GADL1: variants seen among roughly 807,000 people sequenced by gnomAD.
GADL1 encodes GAD like acidic amino acid decarboxylase 1, also known as acidic amino acid decarboxylase GADL1.
A neutral mutation model predicts 69.5 loss-of-function variants in GADL1; 71 were observed. The ratio of observed to expected loss-of-function variants is 1.02; its 90% CI spans 0.84 to 1.25. The LOEUF is 1.25. GADL1 is among the 50% of genes most tolerant of loss of function. GADL1 has a pLI of 0.00. For missense variants in GADL1, 737 were observed against 631.8 expected (o/e 1.17, Z -1.79); for synonymous variants, 254 against 214.4 (o/e 1.18, Z -1.62).
intron 8 of GADL1, among the ~76,000 whole-genome samples, chr3:30,841,458 A>G (rs902477357): frequency 2.0e-5 from 3 of 152,188 alleles, no homozygotes; most frequent in Admixed American, 2.0e-4. Context: ...TGCTAGAAAC[A>G]TGAATTCCTA....
At chr3:30,858,279 C>A (rs907145252) in intron 2 of GADL1, among the ~76,000 whole-genome samples, 1 of 151,878 alleles carries the variant, frequency 6.6e-6, no homozygotes, top group African/African-American at 2.4e-5. Flanking sequence ...CTTTATGTGA[C>A]ATATTATAGA....
At chr3:30,762,299 C>CTT (rs961647950) in intron 14 of GADL1, among the ~76,000 whole-genome samples, 2 of 152,120 alleles carry the variant, frequency 1.3e-5, no homozygotes, top group Non-Finnish European at 2.9e-5. Context: ...AGGACATATG[C>CTT]TTTAAAAGGC....
chr3:30,752,047 G>A (rs1002281039), intron 14 of GADL1, among the ~76,000 whole-genome samples: 1 of 152,162 alleles, frequency 6.6e-6, no homozygotes, highest in Non-Finnish European at 1.5e-5. Flanking sequence ...GCTTCTAAAG[G>A]CTACCCAGGC....
At chr3:30,795,710 C>G (rs1697017587) in intron 12 of GADL1, among the ~76,000 whole-genome samples, 1 of 152,080 alleles carries the variant, frequency 6.6e-6, no homozygotes, top group Non-Finnish European at 1.5e-5. Context: ...AATCTTAATT[C>G]TAGAGAAACT....
chr3:30,890,303 T>A (rs928272403), intron 1 of GADL1, among the ~76,000 whole-genome samples: 2 of 152,206 alleles, frequency 1.3e-5, no homozygotes, highest in Admixed American at 1.3e-4. Context: ...ATGTACCTAT[T>A]ATGTGCCAGG....
chr3:30,844,233 G>A lies in GADL1; in HGVS notation c.763C>T (p.Gln255Ter). The A allele has an allele frequency of 6.2e-7, 1 of 1,612,726 alleles. No individual in the cohort carries two copies. Among genetic ancestry groups the A allele is most frequent in the Non-Finnish European group, 8.5e-7 (1 of 1,179,452 alleles). ...GKMIPEELEK[Q>*]VWQARKEGAA... is the part of the protein sequence containing the mutation. ...ACCTCTTTTCTGGCTTGCCAGACTT[G>A]CTTCTCCAGTTCCTCAGGTATCATT... The change falls in exon 8 of 15, where the codon CAA becomes TAA. Residue 255 changes from glutamine (Q) to a stop codon, truncating the protein, a stop_gained. Coordinates refer to ENST00000282538, the MANE Select transcript of GADL1 (RefSeq NM_207359.3). LOFTEE classifies it high-confidence loss of function.
intron 14 of GADL1, among the ~76,000 whole-genome samples, chr3:30,754,295 G>GT (rs1339728086): frequency 6.6e-6 from 1 of 152,146 alleles, no homozygotes; most frequent in African/African-American, 2.4e-5. Flanking sequence ...CAAGCCTTTT[G>GT]TGGGGGAACA....
At chr3:30,734,472 G>C (rs1388222907) in intron 14 of GADL1, among the ~76,000 whole-genome samples, 1 of 152,276 alleles carries the variant, frequency 6.6e-6, no homozygotes, top group East Asian at 1.9e-4. Flanking sequence ...TTTGGATTCA[G>C]CTAAATATAT....
At chr3:30,833,770 A>T (rs1697828330) in intron 11 of GADL1, 83 bp downstream of exon 11, 1 of 919,986 alleles carries the variant, frequency 1.1e-6, no homozygotes, top group African/African-American at 1.6e-5. Flanking sequence ...CAAGTCACCA[A>T]GAGATGAGCA....
chr3:30,831,108 C>T (rs958684958), intron 11 of GADL1, among the ~76,000 whole-genome samples: 9 of 151,910 alleles, frequency 5.9e-5, no homozygotes, highest in Admixed American at 2.0e-4. Context: ...TGTTCCCCTC[C>T]AATTCATTGT....
At chr3:30,868,705 A>C (rs533256092) in intron 1 of GADL1, among the ~76,000 whole-genome samples, 7 of 152,084 alleles carry the variant, frequency 4.6e-5, no homozygotes, top group African/African-American at 1.7e-4. Flanking sequence ...CTGTTGGCTC[A>C]GGTAGAAGTC....
chr3:30,891,841 G>A (rs1338602525), intron 1 of GADL1, among the ~76,000 whole-genome samples: 1 of 151,416 alleles, frequency 6.6e-6, no homozygotes, highest in African/African-American at 2.4e-5. Context: ...CAGAGAAAAA[G>A]AGAAAATCTA....
At chr3:30,820,136 C>T (rs1247917804) in intron 11 of GADL1, among the ~76,000 whole-genome samples, 1 of 151,714 alleles carries the variant, frequency 6.6e-6, no homozygotes, top group East Asian at 1.9e-4. Context: ...AAATAGTTTA[C>T]TGCAGTAAAA....
At chr3:30,759,330 A>C (rs928072484) in intron 14 of GADL1, among the ~76,000 whole-genome samples, 8 of 152,228 alleles carry the variant, frequency 5.3e-5, no homozygotes, top group Non-Finnish European at 1.5e-5. Context: ...ATTTCTAAAC[A>C]ATAGCTAAGA....
chr3:30,818,390 C>T (rs1697512059), intron 11 of GADL1, among the ~76,000 whole-genome samples: 1 of 152,106 alleles, frequency 6.6e-6, no homozygotes, highest in Non-Finnish European at 1.5e-5. Context: ...GATTTGGAGC[C>T]ACCATTACTT....
At chr3:30,781,182 A>ATGG (rs1696656671) in intron 13 of GADL1, among the ~76,000 whole-genome samples, 2 of 152,150 alleles carry the variant, frequency 1.3e-5, no homozygotes, top group Admixed American at 6.5e-5. Flanking sequence ...ATAATCTTTA[A>ATGG]AAAATTCATG....
intron 12 of GADL1, among the ~76,000 whole-genome samples, chr3:30,787,290 A>G (rs1696815853): frequency 6.6e-6 from 1 of 152,178 alleles, no homozygotes; most frequent in South Asian, 2.1e-4. Context: ...GGGAAAGAGA[A>G]TTGTCACACC....
At chr3:30,766,434 CCA>C (rs1388786377) in intron 14 of GADL1, among the ~76,000 whole-genome samples, 2 of 152,174 alleles carry the variant, frequency 1.3e-5, no homozygotes, top group Admixed American at 6.5e-5. Flanking sequence ...AAAAGGAACC[CCA>C]CATTTACTTC....
At chr3:30,752,096 G>A (rs753511324) in intron 14 of GADL1, among the ~76,000 whole-genome samples, 1 of 147,862 alleles carries the variant, frequency 6.8e-6, no homozygotes, top group African/African-American at 2.7e-5. Context: ...TACTGCTGTG[G>A]TTTCTCATTC....
Sources: gnomAD v4.1 joint callset for allele counts (sites outside exome capture counted in the v4.1 genomes callset) on GRCh38, gnomAD v4.1.1 for gene constraint, MANE v1.5 for transcripts, NCBI Gene and HGNC (gene_info 2026-07-23, HGNC 2026-07-21) for gene names.